The following BICRAL variants were observed in gnomAD, a reference collection of about 807,000 sequenced individuals.
The protein encoded by BICRAL is BRD4-interacting chromatin-remodeling complex-associated protein-like.
BICRAL carries 8 observed loss-of-function variants against 91.8 expected under a neutral mutation model. That is an observed-to-expected ratio of 0.09 (90% CI 0.05 to 0.16). The LOEUF (loss-of-function observed/expected upper bound fraction) is 0.16. Among genes scored for constraint, BICRAL ranks in the 10% least tolerant of loss-of-function variants. The pLI, the probability that BICRAL is intolerant of heterozygous loss-of-function variation, is 1.00. For synonymous variants in BICRAL, 445 were observed against 491.1 expected (o/e 0.91, Z 1.24); for missense variants, 1,038 against 1,310.9 (o/e 0.79, Z 3.21).
intron 1 of BICRAL, among the ~76,000 whole-genome samples, chr6:42,764,886 C>A (rs745943878): frequency 3.7e-4 from 57 of 152,196 alleles, no homozygotes; most frequent in Non-Finnish European, 6.2e-4. Context: ...GTCTTGATCT[C>A]CTGACCTTGT....
intron 8 of BICRAL, 113 bp downstream of exon 8, chr6:42,853,851 C>G (rs1268773079): frequency 1.4e-6 from 1 of 734,348 alleles, no homozygotes; most frequent in Non-Finnish European, 2.4e-6. Flanking sequence ...CCACCCAGTC[C>G]CCTGTGTGCC....
intron 2 of BICRAL, among the ~76,000 whole-genome samples, chr6:42,815,382 G>A (rs1431415825): frequency 1.3e-5 from 2 of 151,628 alleles, no homozygotes; most frequent in African/African-American, 4.8e-5. Context: ...AGTAAAGACA[G>A]GGTTTCACCA....
chr6:42,756,647 T>TC (rs1762463960), intron 1 of BICRAL, among the ~76,000 whole-genome samples: 1 of 151,966 alleles, frequency 6.6e-6, no homozygotes, highest in African/African-American at 2.4e-5. Flanking sequence ...TTTTTTTTTT[T>TC]CTATACGTAA....
upstream of BICRAL, among the ~76,000 whole-genome samples, chr6:42,780,214 C>G (rs78808383): frequency 0.012 from 1,830 of 152,224 alleles, 37 homozygotes; most frequent in African/African-American, 0.041. Flanking sequence ...CTAAAAAGAT[C>G]TTCTGTGTTG....
chr6:42,803,713 A>G (rs1763636064), intron 1 of BICRAL, among the ~76,000 whole-genome samples: 1 of 152,228 alleles, frequency 6.6e-6, no homozygotes, highest in Non-Finnish European at 1.5e-5. Context: ...TGGGGAAGTC[A>G]GAAAAACCAA....
At chr6:42,755,585 C>T (rs1762445556) in intron 1 of BICRAL, among the ~76,000 whole-genome samples, 1 of 152,104 alleles carries the variant, frequency 6.6e-6, no homozygotes, top group South Asian at 2.1e-4. Flanking sequence ...TGTCTCTCTC[C>T]TTCTCACTCA....
intron 7 of BICRAL, among the ~76,000 whole-genome samples, chr6:42,852,868 C>T (rs923725857): frequency 3.3e-5 from 5 of 151,548 alleles, no homozygotes; most frequent in Non-Finnish European, 5.9e-5. Context: ...GAGGCCGAGG[C>T]GGGCAGATCA....
Position 42,864,903 on chromosome 6 carries a change from C to G in BICRAL, c.2697C>G (p.Cys899Trp). Residue 899 changes from cysteine to tryptophan, a missense_variant, in exon 13 of 13, where the codon TGC becomes TGG. Around this residue, in one of 5 missense-constraint regions of BICRAL, gnomAD observed 294 missense variants for 292.6 expected, o/e 1.00. Transcript: ENST00000314073. ...AEGNISKKTE[C>W]LGRALKFDKV... ...GAAACATTTCTAAAAAAACAGAATGCCTTGGCAGAGCACTGAAATTTGACA... is the reference window on the plus strand; with the variant it reads ...GAAACATTTCTAAAAAAACAGAATGGCTTGGCAGAGCACTGAAATTTGACA... 6.2e-6 allele frequency: 10 copies of G among 1,614,148 alleles called. No homozygotes were observed. Among genetic ancestry groups the G allele is most frequent in the Non-Finnish European group, 8.5e-6 (10 of 1,180,036 alleles).
chr6:42,770,416 T>A (rs1235537289), intron 1 of BICRAL, among the ~76,000 whole-genome samples: 363 of 79,800 alleles, frequency 4.5e-3, no homozygotes, highest in African/African-American at 0.014. Context: ...ATTATTATTT[T>A]TTTTTTTTTT....
At chr6:42,801,374 A>C (rs1763567687) in intron 1 of BICRAL, among the ~76,000 whole-genome samples, 1 of 152,182 alleles carries the variant, frequency 6.6e-6, no homozygotes, top group African/African-American at 2.4e-5. Context: ...CGACACTAAG[A>C]AATGGTGTCC....
Position 42,866,695 on chromosome 6 carries a change from C to T in BICRAL, c.*1249C>T. ...CCATTTGAGAGCCAAAGGATATGCC[C>T]TGTCATGGTTTCTGTTTGGCCTGTG... On this transcript the variant is annotated 3_prime_UTR_variant, in exon 13 of 13. Transcript: ENST00000314073. The T allele has an allele frequency of 2.4e-6, 1 of 410,346 alleles. No individual in the cohort carries two copies. The highest frequency in any genetic ancestry group is 1.8e-5 in the South Asian group (1 of 55,786). 25.4% of individuals were successfully genotyped at this position (410,346 alleles called of 1,614,324 possible).
At chr6:42,848,092 G>A (rs1201576599) in intron 6 of BICRAL, among the ~76,000 whole-genome samples, 1 of 151,800 alleles carries the variant, frequency 6.6e-6, no homozygotes, top group Non-Finnish European at 1.5e-5. Context: ...TTGCGCCACT[G>A]CACTCCAGCC....
upstream of BICRAL, among the ~76,000 whole-genome samples, chr6:42,746,556 A>T (rs990115327): frequency 3.3e-5 from 5 of 150,342 alleles, no homozygotes; most frequent in African/African-American, 1.2e-4. Flanking sequence ...AGAAAGATGG[A>T]GCGGGGGGGA....
intron 1 of BICRAL, among the ~76,000 whole-genome samples, chr6:42,802,433 TGTTGTTG>T (rs1562468996): frequency 9.7e-4 from 91 of 94,194 alleles, no homozygotes; most frequent in South Asian, 2.5e-3. Flanking sequence ...TTTTTTTTGT[TGTTGTTG>T]TTGTTGTTGT....
chr6:42,828,347 G>A (rs1764364358), intron 5 of BICRAL, 146 bp from the exon 6 acceptor site: 1 of 652,660 alleles, frequency 1.5e-6, no homozygotes, highest in Non-Finnish European at 2.5e-6. Context: ...CTTGCAGTGA[G>A]CCGAGATCAC....
chr6:42,865,684 A>AT lies in BICRAL; in HGVS notation c.*239dup, dbSNP rs747572418. 8.6e-5 allele frequency: 43 copies of AT among 501,286 alleles called. No homozygotes were observed. The highest frequency in any genetic ancestry group is 1.3e-4 in the Non-Finnish European group (36 of 283,066). The allele number at this position is 501,286 out of a possible 1,614,324, so 31.1% of individuals were successfully genotyped here. A position where few individuals can be genotyped will look rare whatever the true frequency, so the allele number is the denominator to read the frequency against. On this transcript the variant is annotated 3_prime_UTR_variant, in exon 13 of 13. Coordinates refer to ENST00000314073, the MANE Select transcript of BICRAL (RefSeq NM_001393499.1). ...TTAATCCTTGGCAGAAAGCAGTCTG[A>AT]TAGGCCCCACTCATTTCAAGTGTTA...
intron 6 of BICRAL, among the ~76,000 whole-genome samples, chr6:42,839,615 T>C (rs1485261253): frequency 6.6e-6 from 1 of 152,170 alleles, no homozygotes; most frequent in Non-Finnish European, 1.5e-5. Context: ...CTGGTATGAT[T>C]TTGAAGCTCA....
At chr6:42,831,631 C>A (rs1359525317) in intron 6 of BICRAL, among the ~76,000 whole-genome samples, 4 of 152,184 alleles carry the variant, frequency 2.6e-5, no homozygotes, top group African/African-American at 9.6e-5. Context: ...TGGGAGGACC[C>A]ATGCCATACC....
intron 11 of BICRAL, 23 bp from the exon 12 acceptor site, chr6:42,862,487 T>C (rs1158661089): frequency 6.9e-7 from 1 of 1,445,478 alleles, no homozygotes; most frequent in Admixed American, 1.8e-5. Flanking sequence ...GTCTATGAAA[T>C]GACTGGCCTC....
Sources: allele counts gnomAD v4.1 joint callset (sites outside exome capture counted in the v4.1 genomes callset), GRCh38; gene constraint gnomAD v4.1.1; regional missense constraint gnomAD v4.1.1; transcripts MANE v1.5; gene names NCBI Gene and HGNC (gene_info 2026-07-23, HGNC 2026-07-21).